RCAN2: variants seen among roughly 807,000 people sequenced by gnomAD.
The protein encoded by RCAN2 is regulator of calcineurin 2, also known as calcipressin-2.
In RCAN2, 9 loss-of-function variants were observed where a neutral mutation model predicts 23.6. The ratio of observed to expected loss-of-function variants is 0.38; its 90% CI spans 0.23 to 0.67. The LOEUF is 0.67. RCAN2 is among the 30% of genes least tolerant of loss of function. The pLI is 0.51. For missense variants in RCAN2, 273 were observed against 302.3 expected (o/e 0.90, Z 0.72); for synonymous variants, 109 against 115.7 (o/e 0.94, Z 0.37).
intron 2 of RCAN2, among the ~76,000 whole-genome samples, chr6:46,287,409 C>G (rs973122719): frequency 3.3e-5 from 5 of 152,218 alleles, no homozygotes; most frequent in African/African-American, 1.2e-4. Context: ...ACACAGGCCC[C>G]TGCCTGGAAG....
intron 2 of RCAN2, among the ~76,000 whole-genome samples, chr6:46,405,347 C>A (rs1466485902): frequency 2.0e-5 from 3 of 152,082 alleles, no homozygotes; most frequent in African/African-American, 7.2e-5. Flanking sequence ...GAAGGGGACC[C>A]GAGCGGGTTG....
At position 46,394,892 on chromosome 6, in the gene RCAN2, A is replaced by G. The variant is rs149540629; in HGVS notation, c.225+61860T>C. 8.8e-3 allele frequency among the ~76,000 whole-genome samples: 1,345 copies of G among 152,322 alleles called. 11 individuals carry two copies. The highest frequency in any genetic ancestry group is 0.013 in the Non-Finnish European group (870 of 68,032). On this transcript the variant is annotated intron_variant, in intron 2 of 4. Coordinates refer to ENST00000371374, the MANE Select transcript of RCAN2 (RefSeq NM_001251974.2). ...GTGGACATAGTGAGATAGGAATCTT[A>G]TATTTTGAAGGAAGCATTAAATGAA... is the stretch of plus-strand genomic sequence containing the variant.
chr6:46,483,868 T>A (rs1768928661), intron 1 of RCAN2, among the ~76,000 whole-genome samples: 1 of 152,204 alleles, frequency 6.6e-6, no homozygotes, highest in Non-Finnish European at 1.5e-5. Flanking sequence ...GAATTATTAG[T>A]TTTCACTTGT....
At chr6:46,381,863 A>G (rs1327139594) in intron 2 of RCAN2, among the ~76,000 whole-genome samples, 1 of 152,208 alleles carries the variant, frequency 6.6e-6, no homozygotes, top group Admixed American at 6.5e-5. Context: ...TCTGGCTGGA[A>G]GAACTGGCCT....
chr6:46,300,925 T>C (rs1482640023), intron 2 of RCAN2, among the ~76,000 whole-genome samples: 1 of 151,704 alleles, frequency 6.6e-6, no homozygotes, highest in Non-Finnish European at 1.5e-5. Context: ...ATAGGTTATC[T>C]AAACTAAGAT....
intron 2 of RCAN2, among the ~76,000 whole-genome samples, chr6:46,442,382 T>C (rs1364801174): frequency 6.6e-6 from 1 of 152,182 alleles, no homozygotes; most frequent in African/African-American, 2.4e-5. Context: ...AAATCTAGCC[T>C]ACCCCTCCAC....
At chr6:46,448,582 A>G (rs886698150) in intron 2 of RCAN2, among the ~76,000 whole-genome samples, 2 of 151,924 alleles carry the variant, frequency 1.3e-5, no homozygotes, top group African/African-American at 4.8e-5. Flanking sequence ...ATCATCCACA[A>G]AATACCTGTA....
At chr6:46,474,910 A>AT (rs1462507112) in intron 1 of RCAN2, among the ~76,000 whole-genome samples, 1 of 152,106 alleles carries the variant, frequency 6.6e-6, no homozygotes, top group Non-Finnish European at 1.5e-5. Flanking sequence ...GTCAAGGCTT[A>AT]TTTTTTCTAG....
intron 2 of RCAN2, among the ~76,000 whole-genome samples, chr6:46,367,929 T>C (rs1208548923): frequency 6.6e-6 from 1 of 152,204 alleles, no homozygotes; most frequent in Non-Finnish European, 1.5e-5. Context: ...TCAATTCAAC[T>C]GGCTCCAACA....
intron 2 of RCAN2, among the ~76,000 whole-genome samples, chr6:46,376,966 G>A (rs1007537053): frequency 3.9e-5 from 6 of 152,044 alleles, no homozygotes; most frequent in South Asian, 4.1e-4. Flanking sequence ...GCCCTCCATG[G>A]CTGTTTATAC....
chr6:46,241,631 T>C (rs1766309830), intron 4 of RCAN2, among the ~76,000 whole-genome samples: 2 of 152,334 alleles, frequency 1.3e-5, no homozygotes, highest in South Asian at 4.1e-4. Flanking sequence ...AATCTTAAAT[T>C]TCTTCTAGAG....
chr6:46,477,773 A>C (rs1487695493), intron 1 of RCAN2, among the ~76,000 whole-genome samples: 1 of 152,176 alleles, frequency 6.6e-6, no homozygotes, highest in Admixed American at 6.5e-5. Context: ...GATGTAAGAC[A>C]CATCCATCTT....
chr6:46,298,348 C>T (rs545905013), intron 2 of RCAN2, among the ~76,000 whole-genome samples: 31 of 152,078 alleles, frequency 2.0e-4, no homozygotes, highest in African/African-American at 7.2e-4. Flanking sequence ...TATGTCAATG[C>T]TCAAAATAAA....
chr6:46,253,447 C>T (rs1309116789), intron 2 of RCAN2, among the ~76,000 whole-genome samples: 4 of 152,084 alleles, frequency 2.6e-5, no homozygotes, highest in South Asian at 2.1e-4. Flanking sequence ...GAGAAAAGTA[C>T]CAAGGGCAGC....
intron 2 of RCAN2, among the ~76,000 whole-genome samples, chr6:46,423,799 T>A (rs574340587): frequency 1.3e-5 from 2 of 152,218 alleles, no homozygotes; most frequent in African/African-American, 2.4e-5. Context: ...CATAATCTGA[T>A]GATGCAGTAA....
At chr6:46,302,785 C>T (rs1168011955) in intron 2 of RCAN2, among the ~76,000 whole-genome samples, 1 of 151,998 alleles carries the variant, frequency 6.6e-6, no homozygotes. Context: ...GCACTGTGCT[C>T]TGGGCTTTTA....
At chr6:46,374,691 A>C (rs954118113) in intron 2 of RCAN2, among the ~76,000 whole-genome samples, 1 of 152,232 alleles carries the variant, frequency 6.6e-6, no homozygotes, top group Non-Finnish European at 1.5e-5. Context: ...CCTATTTTAA[A>C]CATAAATTCA....
intron 1 of RCAN2, among the ~76,000 whole-genome samples, chr6:46,458,586 CTTATT>C (rs1768115061): frequency 6.6e-6 from 1 of 151,960 alleles, no homozygotes; most frequent in African/African-American, 2.4e-5. Flanking sequence ...CAACAAAATA[CTTATT>C]TTAAATAAAA....
At chr6:46,278,535 A>G (rs1190443282) in intron 2 of RCAN2, among the ~76,000 whole-genome samples, 4 of 152,200 alleles carry the variant, frequency 2.6e-5, no homozygotes, top group African/African-American at 4.8e-5. Flanking sequence ...CAATTATCAA[A>G]CCAGGAAGTT....
Sources: gnomAD v4.1 joint callset for allele counts (sites outside exome capture counted in the v4.1 genomes callset) on GRCh38, gnomAD v4.1.1 for gene constraint, MANE v1.5 for transcripts, NCBI Gene and HGNC (gene_info 2026-07-23, HGNC 2026-07-21) for gene names.